Variants in DUSP16 observed in about 807,000 individuals in gnomAD.
DUSP16 encodes the protein dual specificity protein phosphatase 16.
DUSP16 carries 21 observed loss-of-function variants against 58.3 expected under a neutral mutation model. That is an observed-to-expected ratio of 0.36 (90% CI 0.26 to 0.52). The LOEUF (loss-of-function observed/expected upper bound fraction) is 0.52. DUSP16 is among the 20% of genes least tolerant of loss of function. The pLI, the probability that DUSP16 is intolerant of heterozygous loss-of-function variation, is 0.94. For synonymous variants in DUSP16, 320 were observed against 323.8 expected, an observed-to-expected ratio of 0.99 and a Z score of 0.12; for missense variants, 726 against 819.0, an observed-to-expected ratio of 0.89 and a Z score of 1.39.
At chr12:12,553,645 T>C (rs1035007593) in intron 1 of DUSP16, among the ~76,000 whole-genome samples, 1 of 152,040 alleles carries the variant, frequency 6.6e-6, no homozygotes, top group African/African-American at 2.4e-5. Context: ...CAGGCTCAGG[T>C]GATCCTCCTA....
chr12:12,482,823 T>A (rs1473132068), intron 5 of DUSP16, among the ~76,000 whole-genome samples: 7 of 152,180 alleles, frequency 4.6e-5, no homozygotes, highest in Non-Finnish European at 1.0e-4. Context: ...CAAGCGATCC[T>A]CCTGCCTCAG....
At chr12:12,557,435 G>A (rs577583507) in intron 1 of DUSP16, among the ~76,000 whole-genome samples, 5 of 141,508 alleles carry the variant, frequency 3.5e-5, no homozygotes, top group African/African-American at 7.9e-5. Flanking sequence ...CCAGCCTGGC[G>A]ACAGAGCAAG....
At chr12:12,517,225 G>A (rs73291699) in intron 3 of DUSP16, among the ~76,000 whole-genome samples, 1 of 152,186 alleles carries the variant, frequency 6.6e-6, no homozygotes, top group Non-Finnish European at 1.5e-5. Context: ...CAAGGTGGCT[G>A]AAAGTTCTAA....
intron 1 of DUSP16, among the ~76,000 whole-genome samples, chr12:12,537,925 T>C (rs1944492956): frequency 6.6e-6 from 1 of 152,178 alleles, no homozygotes; most frequent in Admixed American, 6.5e-5. Context: ...AATATATATA[T>C]ATATGTTCAT....
chr12:12,507,840 C>T (rs183017276), intron 3 of DUSP16, among the ~76,000 whole-genome samples: 3 of 152,368 alleles, frequency 2.0e-5, no homozygotes, highest in Admixed American at 2.0e-4. Context: ...AACTCCCAAC[C>T]TCAGGTGATC....
At chr12:12,515,829 G>A (rs1454091246) in intron 3 of DUSP16, among the ~76,000 whole-genome samples, 1 of 151,872 alleles carries the variant, frequency 6.6e-6, no homozygotes, top group African/African-American at 2.4e-5. Context: ...ACACCAGGGT[G>A]CAGTGATGCG....
chr12:12,542,574 T>G (rs562606890), intron 1 of DUSP16, among the ~76,000 whole-genome samples: 155 of 152,112 alleles, frequency 1.0e-3, no homozygotes, highest in Non-Finnish European at 1.7e-3. Flanking sequence ...CAACTGTGAA[T>G]ATACCAAAAA....
intron 1 of DUSP16, among the ~76,000 whole-genome samples, chr12:12,556,032 C>A (rs1056002154): frequency 1.3e-5 from 2 of 152,002 alleles, no homozygotes; most frequent in African/African-American, 2.4e-5. Flanking sequence ...CAGAGTAAGA[C>A]CATGTCTCAA....
At chr12:12,493,166 A>G (rs2136204126) in intron 4 of DUSP16, among the ~76,000 whole-genome samples, 1 of 152,280 alleles carries the variant, frequency 6.6e-6, no homozygotes, top group Non-Finnish European at 1.5e-5. Flanking sequence ...ACTTGGAAGT[A>G]TAACAGGCAT....
At chr12:12,515,432 A>G (rs561884334) in intron 3 of DUSP16, among the ~76,000 whole-genome samples, 1 of 151,832 alleles carries the variant, frequency 6.6e-6, no homozygotes, top group East Asian at 1.9e-4. Context: ...GATTCAAGCA[A>G]TTCTCCTGCC....
chr12:12,523,528 A>G (rs1409097731), intron 1 of DUSP16, among the ~76,000 whole-genome samples: 1 of 152,248 alleles, frequency 6.6e-6, no homozygotes, highest in Non-Finnish European at 1.5e-5. Flanking sequence ...AACCAGCTCC[A>G]TTTAATACAT....
In DUSP16 at chr12:12,519,864, G is replaced by A. The variant is rs749334716; in HGVS notation, c.365C>T (p.Ala122Val). 8.7e-6 allele frequency: 14 copies of A among 1,613,882 alleles called. No individual in the cohort carries two copies. Among genetic ancestry groups the A allele is most frequent in the South Asian group, 6.6e-5 (6 of 91,078 alleles). ...EKSFNSVHLL[A>V]GGFAEFSRCF... ...TTTAATTCCATCACGAGCCTTACCTGCAAGCAGGTGAACAGAGTTGAAGCT... is the reference window on the plus strand; with the variant it reads ...TTTAATTCCATCACGAGCCTTACCTACAAGCAGGTGAACAGAGTTGAAGCT... The change falls in exon 3 of 7, where the codon GCA (alanine) becomes GTA (valine). Residue 122 changes from alanine (A) to valine (V), a missense_variant and splice_region_variant. Physicochemically the swap from Ala to Val is moderately conservative, Grantham distance 64. Coordinates refer to ENST00000298573, the MANE Select transcript of DUSP16 (RefSeq NM_030640.3).
rs375416810 is a variant in DUSP16, at chr12:12,519,965, G to A, written c.264C>T (p.Tyr88=). 335 of 1,614,084 alleles carry A rather than the reference G, an allele frequency of 2.1e-4. 1 individual carries two copies. Among genetic ancestry groups the A allele is most frequent in the Non-Finnish European group, 2.6e-4 (303 of 1,179,966 alleles). Residue 88 remains tyrosine (Y), a synonymous_variant, in exon 3 of 7, where the codon TAC becomes TAT. Coordinates refer to ENST00000298573, the MANE Select transcript of DUSP16 (RefSeq NM_030640.3). ...AGGCAACATCTTGGGAGCTTTGATCGTAAACTACAACCTTCTGACTGCAAT... is the reference window on the plus strand; with the variant it reads ...AGGCAACATCTTGGGAGCTTTGATCATAAACTACAACCTTCTGACTGCAAT... ...DIDCSQKVVV[Y]DQSSQDVASL...
rs1943387856 is a variant in DUSP16, at chr12:12,474,696, A to C, written c.*2137T>G. 1 of 152,260 alleles carries C rather than the reference A, an allele frequency of 6.6e-6. No homozygotes were observed. Among genetic ancestry groups the C allele is most frequent in the South Asian group, 2.1e-4 (1 of 4,834 alleles). 9.4% of individuals were successfully genotyped at this position (152,260 alleles called of 1,614,324 possible). ...GGGGACCATGGCCAAGAGAAGCCCT[A>C]AATGACAGAAGCTCATTAAAACCAA... is the stretch of plus-strand genomic sequence containing the variant. On this transcript the variant is annotated 3_prime_UTR_variant, in exon 7 of 7. Transcript: ENST00000298573.
chr12:12,511,514 C>G (rs999134219), intron 3 of DUSP16, among the ~76,000 whole-genome samples: 4 of 152,038 alleles, frequency 2.6e-5, no homozygotes, highest in Admixed American at 1.3e-4. Context: ...TTCTTTCCCC[C>G]TCAGAATGCG....
chr12:12,526,700 C>CAG, intron 1 of DUSP16, among the ~76,000 whole-genome samples: 1 of 152,130 alleles, frequency 6.6e-6, no homozygotes, highest in Admixed American at 6.5e-5. Context: ...TTCTGCTTCC[C>CAG]AGATGATTTT....
At position 12,476,802 on chromosome 12, in the gene DUSP16, T is replaced by C. The variant is rs755756417; in HGVS notation, c.*31A>G. The C allele has an allele frequency of 9.2e-6, 14 of 1,517,184 alleles. No homozygotes were observed. In the Admixed American group the frequency reaches 2.9e-4, roughly 31 times the overall value. The allele number at this position is 1,517,184 out of a possible 1,614,324, so 94.0% of individuals were successfully genotyped here. A position where few individuals can be genotyped will look rare whatever the true frequency, so the allele number is the denominator to read the frequency against. ...TTTTTTTGTGAACAAGAAAAAAAAA[T>C]TGTCTATAGAAGTCACAAGTGTCTT... On this transcript the variant is annotated 3_prime_UTR_variant, in exon 7 of 7. Coordinates refer to ENST00000298573, the MANE Select transcript of DUSP16 (RefSeq NM_030640.3).
At chr12:12,494,388 C>T (rs569586405) in intron 4 of DUSP16, among the ~76,000 whole-genome samples, 1 of 152,224 alleles carries the variant, frequency 6.6e-6, no homozygotes, top group Admixed American at 6.5e-5. Flanking sequence ...TACTATGCAT[C>T]AAGGTATTCT....
chr12:12,556,925 C>T (rs779399609), intron 1 of DUSP16, among the ~76,000 whole-genome samples: 26 of 152,150 alleles, frequency 1.7e-4, no homozygotes, highest in Non-Finnish European at 3.8e-4. Flanking sequence ...ATTGTCTGTA[C>T]ATCTTTTCTT....
Sources: gnomAD v4.1 joint callset for allele counts (sites outside exome capture counted in the v4.1 genomes callset) on GRCh38, gnomAD v4.1.1 for gene constraint, MANE v1.5 for transcripts, NCBI Gene and HGNC (gene_info 2026-07-23, HGNC 2026-07-21) for gene names.